Variants in COL28A1 observed in about 807,000 individuals in gnomAD.
The protein encoded by COL28A1 is collagen type XXVIII alpha 1 chain.
Under a neutral mutation model 150.2 loss-of-function variants are expected in COL28A1, and 161 were observed. That is an observed-to-expected ratio of 1.07 (90% CI 0.94 to 1.22). The LOEUF (loss-of-function observed/expected upper bound fraction) is 1.22, where lower values mean the gene tolerates loss of function less well. Ranked by LOEUF, COL28A1 falls within the 50% of genes most tolerant of loss-of-function variation. The pLI, the probability that COL28A1 is intolerant of heterozygous loss-of-function variation, is 0.00. For synonymous variants in COL28A1, 552 were observed against 469.7 expected (o/e 1.18, Z -2.26); for missense variants, 1,617 against 1,388.3 (o/e 1.16, Z -2.62).
At chr7:7,485,188 T>A (rs547456611) in intron 13 of COL28A1, among the ~76,000 whole-genome samples, 2 of 152,082 alleles carry the variant, frequency 1.3e-5, no homozygotes, top group African/African-American at 4.8e-5. Flanking sequence ...AAACAAAATA[T>A]GTAAAAATAT....
chr7:7,415,015 TCAATCCGTA>T (rs1783988746), intron 27 of COL28A1, among the ~76,000 whole-genome samples: 1 of 152,238 alleles, frequency 6.6e-6, no homozygotes, highest in Non-Finnish European at 1.5e-5. Context: ...TAGGTGATGC[TCAATCCGTA>T]TTGGTTGGTC....
chr7:7,440,649 G>C (rs996132479), intron 21 of COL28A1, 141 bp downstream of exon 21: 1 of 502,890 alleles, frequency 2.0e-6, no homozygotes. Flanking sequence ...GTTTTCTATA[G>C]GTTTCTTATT....
intron 2 of COL28A1, among the ~76,000 whole-genome samples, chr7:7,532,453 C>T (rs954779383): frequency 6.6e-6 from 1 of 151,578 alleles, no homozygotes; most frequent in Non-Finnish European, 1.5e-5. Context: ...GTATGCCACT[C>T]GACCTGTTAA....
Position 7,502,784 on chromosome 7 carries a change from G to A in COL28A1, c.1026+3230C>T, listed in dbSNP as rs1306156651. ...GCGATCTCGGCTCACTGCAAGCTCC[G>A]CCTCCCAGGTTCACGCCATTCTCCT... On this transcript the variant is annotated intron_variant, in intron 11 of 34. Coordinates refer to ENST00000399429, the MANE Select transcript of COL28A1 (RefSeq NM_001037763.3). Among the ~76,000 whole-genome samples the A allele has an allele frequency of 3.5e-5, 3 of 86,386 alleles. 1 individual carries two copies. The highest frequency in any genetic ancestry group is 5.7e-5 in the Non-Finnish European group (3 of 52,272). The allele number at this position is 86,386 out of a possible 152,430, so 56.7% of individuals were successfully genotyped here. A position where few individuals can be genotyped will look rare whatever the true frequency, so the allele number is the denominator to read the frequency against.
chr7:7,388,299 G>A (rs549448956), intron 27 of COL28A1, among the ~76,000 whole-genome samples: 1 of 152,166 alleles, frequency 6.6e-6, no homozygotes, highest in South Asian at 2.1e-4. Context: ...TGCTAAGAAT[G>A]ATGGTTTCCA....
the COL28A1 span, among the ~76,000 whole-genome samples, chr7:7,345,084 G>C: frequency 6.6e-6 from 1 of 151,894 alleles, no homozygotes; most frequent in Non-Finnish European, 1.5e-5. Context: ...TCTTTTGTGT[G>C]ATATACTTGC....
chr7:7,488,739 T>G (rs1456665704), intron 13 of COL28A1, among the ~76,000 whole-genome samples: 5 of 152,194 alleles, frequency 3.3e-5, no homozygotes, highest in African/African-American at 9.7e-5. Context: ...GTCCTTATTC[T>G]CAGTGATTTT....
intron 27 of COL28A1, among the ~76,000 whole-genome samples, chr7:7,400,032 A>G (rs1783079255): frequency 6.6e-6 from 1 of 152,224 alleles, no homozygotes; most frequent in Non-Finnish European, 1.5e-5. Context: ...ATTCCATAAA[A>G]GGTTGTATGC....
intron 3 of COL28A1, among the ~76,000 whole-genome samples, chr7:7,528,808 G>A (rs1211419771): frequency 6.6e-6 from 1 of 152,132 alleles, no homozygotes; most frequent in Non-Finnish European, 1.5e-5. Flanking sequence ...TGTGTTGGTA[G>A]TTTCATAGGT....
At chr7:7,538,922 T>C (rs1484119791), upstream of COL28A1, among the ~76,000 whole-genome samples, 1 of 152,136 alleles carries the variant, frequency 6.6e-6, no homozygotes, top group Non-Finnish European at 1.5e-5. Flanking sequence ...TTGAAGAAAT[T>C]TGTTCTTGAA....
At chr7:7,510,413 T>C (rs751126835) in intron 9 of COL28A1, among the ~76,000 whole-genome samples, 4 of 152,070 alleles carry the variant, frequency 2.6e-5, no homozygotes, top group Admixed American at 6.5e-5. Context: ...GCCTCCTGAG[T>C]AGCTGGGACT....
intron 9 of COL28A1, among the ~76,000 whole-genome samples, chr7:7,509,870 T>C (rs1781028436): frequency 6.6e-6 from 1 of 152,226 alleles, no homozygotes; most frequent in Admixed American, 6.5e-5. Context: ...GAAGAATCTA[T>C]TCATTTTCAC....
intron 27 of COL28A1, among the ~76,000 whole-genome samples, chr7:7,393,532 A>T (rs762895193): frequency 5.3e-5 from 8 of 152,222 alleles, no homozygotes; most frequent in Non-Finnish European, 1.2e-4. Flanking sequence ...GGGATGTTTA[A>T]GTCTGCTGAA....
At chr7:7,538,365 T>C (rs959469601), upstream of COL28A1, among the ~76,000 whole-genome samples, 10 of 152,152 alleles carry the variant, frequency 6.6e-5, no homozygotes, top group African/African-American at 2.2e-4. Context: ...TAAAAGTCTT[T>C]ATGGAAGAAA....
chr7:7,338,592 G>A, the COL28A1 span, among the ~76,000 whole-genome samples: 1 of 152,100 alleles, frequency 6.6e-6, no homozygotes, highest in Non-Finnish European at 1.5e-5. Flanking sequence ...GAGCCTTTTG[G>A]TGGAGTCTTT....
intron 27 of COL28A1, among the ~76,000 whole-genome samples, chr7:7,382,195 A>C (rs1781910382): frequency 6.6e-6 from 1 of 152,074 alleles, no homozygotes; most frequent in Admixed American, 6.5e-5. Flanking sequence ...CTGTAGTCCC[A>C]GCTATGCAGG....
chr7:7,537,736 G>C (rs1181351138), upstream of COL28A1, among the ~76,000 whole-genome samples: 2 of 152,198 alleles, frequency 1.3e-5, no homozygotes, highest in African/African-American at 4.8e-5. Context: ...ACAGAAAGAA[G>C]AAACGGTGGG....
At position 7,359,829 on chromosome 7, in the gene COL28A1, CA is replaced by C. The variant is rs1257300370; in HGVS notation, c.3205+560del. 2.6e-5 allele frequency among the ~76,000 whole-genome samples: 4 copies of C among 152,118 alleles called. No individual in the cohort carries two copies. In the East Asian group the frequency reaches 7.7e-4, roughly 29 times the overall value. On this transcript the variant is annotated intron_variant, in intron 34 of 34. Transcript: ENST00000399429. ...TTTCTACTACCTCTGCCCTTAAAAA[CA>C]AAACCAAATAATATATATTGTGTAA... is the stretch of plus-strand genomic sequence containing the variant.
chr7:7,440,851 C>A lies in COL28A1; in HGVS notation c.1661G>T (p.Gly554Val). 4 of 1,498,424 alleles carry A rather than the reference C, an allele frequency of 2.7e-6. No homozygotes were observed. Among genetic ancestry groups the A allele is most frequent in the Non-Finnish European group, 3.7e-6 (4 of 1,075,196 alleles). The allele number at this position is 1,498,424 out of a possible 1,614,324, so 92.8% of individuals were successfully genotyped here. A position where few individuals can be genotyped will look rare whatever the true frequency, so the allele number is the denominator to read the frequency against. Residue 554 changes from glycine (G) to valine (V), a missense_variant, in exon 21 of 35, where the codon GGC (glycine) becomes GTC (valine). Physicochemically the swap from Gly to Val is moderately radical, Grantham distance 109. Coordinates refer to ENST00000399429, the MANE Select transcript of COL28A1 (RefSeq NM_001037763.3). ...KGQPGPKGDE[G>V]KKGSKGNQGQ... is the part of the protein sequence containing the mutation. ...TTGATTTCCTTTGCTCCCTTTCTTG[C>A]CTTCGTCACCCTAACAAAATAATTA...
Sources: gnomAD v4.1 joint callset for allele counts (sites outside exome capture counted in the v4.1 genomes callset) on GRCh38, gnomAD v4.1.1 for gene constraint, MANE v1.5 for transcripts, NCBI Gene and HGNC (gene_info 2026-07-23, HGNC 2026-07-21) for gene names.